The following GRB7 variants were observed in gnomAD, a reference collection of about 807,000 sequenced individuals.
GRB7 encodes growth factor receptor-bound protein 7.
A neutral mutation model predicts 64.1 loss-of-function variants in GRB7; 47 were observed. That is an observed-to-expected ratio of 0.73 (90% CI 0.58 to 0.94). GRB7 has a LOEUF of 0.94. Among genes scored for constraint, GRB7 ranks in the 40% least tolerant of loss-of-function variants. The pLI, the probability that GRB7 is intolerant of heterozygous loss-of-function variation, is 0.00. For synonymous variants in GRB7, 277 were observed against 279.9 expected, an observed-to-expected ratio of 0.99 and a Z score of 0.10; for missense variants, 634 against 718.4, an observed-to-expected ratio of 0.88 and a Z score of 1.34.
rs760169702 is a variant in GRB7 at position 39,745,426 on chromosome 17, G to A, written c.1097G>A (p.Ser366Asn). Reference protein sequence around the residue: ...PSCLGSPPLRSASDNTLVAMD... With the variant: ...PSCLGSPPLRNASDNTLVAMD... Reference sequence around the variant, plus strand: ...CTCCTCTCCTTCCATCTCCAGAGAAGTGCCTCAGATAATACCCTGGTGGCC... The same window carrying A: ...CTCCTCTCCTTCCATCTCCAGAGAAATGCCTCAGATAATACCCTGGTGGCC... The change falls in exon 11 of 15, where the codon AGT (serine) becomes AAT (asparagine). Residue 366 changes from serine (S) to asparagine (N), a missense_variant. Physicochemically the swap from Ser to Asn is conservative, Grantham distance 46 (BLOSUM62 1). Transcript: ENST00000309156. The A allele has an allele frequency of 6.2e-7, 1 of 1,613,962 alleles. No individual in the cohort carries two copies. The highest frequency in any genetic ancestry group is 8.5e-7 in the Non-Finnish European group (1 of 1,179,920).
In GRB7 at chr17:39,744,828, G is replaced by T; in HGVS notation, c.913-58G>T. 9.0e-6 allele frequency: 13 copies of T among 1,448,232 alleles called. No individual in the cohort carries two copies. The South Asian group carries it at 1.5e-4, about 17-fold the overall frequency. The allele number at this position is 1,448,232 out of a possible 1,614,324, so 89.7% of individuals were successfully genotyped here. A position where few individuals can be genotyped will look rare whatever the true frequency, so the allele number is the denominator to read the frequency against. On this transcript the variant is annotated intron_variant, in intron 8 of 14. Transcript: ENST00000309156. ...GATTCAGCTCTGCTATGTGGAGCAG[G>T]GGCAGACATGTGGTCCTAAAGGCAG...
Position 39,747,003 on chromosome 17 carries a change from G to A in GRB7, c.*106G>A, listed in dbSNP as rs12942343. 16,369 of 1,277,502 alleles carry A rather than the reference G, an allele frequency of 0.013. 1,441 individuals carry two copies. The African/African-American group carries it at 0.2, about 16-fold the overall frequency. 79.1% of individuals were successfully genotyped at this position (1,277,502 alleles called of 1,614,324 possible). A position where few individuals can be genotyped will look rare whatever the true frequency, so the allele number is the denominator to read the frequency against. On this transcript the variant is annotated 3_prime_UTR_variant, in exon 15 of 15. Coordinates refer to ENST00000309156, the MANE Select transcript of GRB7 (RefSeq NM_005310.5). Reference sequence around the variant, plus strand: ...GCGGCCACAGGGGACGGGATGAGGAGCGGGAGGGTTCCGCCACTCCAGTTT... The same window carrying A: ...GCGGCCACAGGGGACGGGATGAGGAACGGGAGGGTTCCGCCACTCCAGTTT...
chr17:39,739,299 G>A (rs1447624631), intron 1 of GRB7, among the ~76,000 whole-genome samples: 1 of 152,122 alleles, frequency 6.6e-6, no homozygotes, highest in African/African-American at 2.4e-5. Flanking sequence ...ATGATTAACT[G>A]CAGAGACACT....
Position 39,743,196 on chromosome 17 carries a change from C to T in GRB7, c.480C>T (p.Asp160=), listed in dbSNP as rs1206329236. The T allele has an allele frequency of 1.2e-6, 2 of 1,614,184 alleles. No individual in the cohort carries two copies. The highest frequency in any genetic ancestry group is 4.5e-5 in the East Asian group (2 of 44,874). ...TGTCCCCAGAGCGGGGTTTGGAGGA[C>T]CACGAGTCCGTGGTGGAAGTGCAGG... ...PHLALERGLE[D]HESVVEVQAA... The change falls in exon 5 of 15, where the codon GAC becomes GAT. Residue 160 remains aspartate, a synonymous_variant. Coordinates refer to ENST00000309156, the MANE Select transcript of GRB7 (RefSeq NM_005310.5).
intron 14 of GRB7, 79 bp from the exon 15 acceptor site, chr17:39,746,672 G>T: frequency 2.1e-6 from 3 of 1,448,996 alleles, no homozygotes; most frequent in Non-Finnish European, 9.4e-7. Flanking sequence ...AAAAGGAAAT[G>T]GTGGGGCCCT....
rs2060045758 is a variant in GRB7, at chr17:39,746,260, GTCC to G, written c.1452+64_1452+66del. ...TGAGACACAGGACTCCCAGCAACCT[GTCC>G]TCCTCACCAGGCCCCTCCAGAGGCT... On this transcript the variant is annotated intron_variant, in intron 14 of 14. Transcript: ENST00000309156. The G allele has an allele frequency of 1.8e-5, 26 of 1,407,134 alleles. 1 individual carries two copies. In the South Asian group the frequency reaches 2.8e-4, roughly 15 times the overall value. 87.2% of individuals were successfully genotyped at this position (1,407,134 alleles called of 1,614,324 possible). A position where few individuals can be genotyped will look rare whatever the true frequency, so the allele number is the denominator to read the frequency against.
Position 39,741,866 on chromosome 17 carries a change from C to T in GRB7, c.-50-386C>T, listed in dbSNP as rs946745703. Among the ~76,000 whole-genome samples the T allele has an allele frequency of 1.1e-4, 17 of 148,800 alleles. No individual in the cohort carries two copies. In the South Asian group the frequency reaches 2.5e-3, roughly 22 times the overall value. ...CTCTACTAAAAATACAAAAATTAGACGGGCGTGGTGGTGGGCACCTGTAAT... is the reference window on the plus strand; with the variant it reads ...CTCTACTAAAAATACAAAAATTAGATGGGCGTGGTGGTGGGCACCTGTAAT... On this transcript the variant is annotated intron_variant, in intron 1 of 14. Transcript: ENST00000309156.
chr17:39,740,984 G>A (rs2059989888), intron 1 of GRB7, among the ~76,000 whole-genome samples: 1 of 152,104 alleles, frequency 6.6e-6, no homozygotes, highest in Non-Finnish European at 1.5e-5. Flanking sequence ...GTTCTCCCAG[G>A]TCTCAGCCCG....
rs1218094301 is a variant in GRB7 at position 39,744,875 on chromosome 17, T to C, written c.913-11T>C. On this transcript the variant is annotated splice_polypyrimidine_tract_variant and intron_variant, in intron 8 of 14. Coordinates refer to ENST00000309156, the MANE Select transcript of GRB7 (RefSeq NM_005310.5). ...GCAGATATGGGACCAGTCAATTTCC[T>C]CTCTCTGCAGCCCAACAAGCTTCGA... 1 of 1,610,066 alleles carries C rather than the reference T, an allele frequency of 6.2e-7. No homozygotes were observed. Among genetic ancestry groups the C allele is most frequent in the Admixed American group, 1.7e-5 (1 of 60,006 alleles).
chr17:39,744,958 T>G lies in GRB7; in HGVS notation c.985T>G (p.Trp329Gly). The G allele has an allele frequency of 6.2e-7, 1 of 1,613,932 alleles. No individual in the cohort carries two copies. The highest frequency in any genetic ancestry group is 8.5e-7 in the Non-Finnish European group (1 of 1,179,912). ...TGAAGATGAGCAGAGCCGCACCTGC[T>G]GGCTGGCTGCCTTCCGCCTCTTCAA... is the stretch of plus-strand genomic sequence containing the variant. The part of the protein sequence containing the change: ...CSEDEQSRTC[W>G]LAAFRLFKYG... The change falls in exon 9 of 15, where the codon TGG becomes GGG. Residue 329 changes from tryptophan to glycine, a missense_variant. By Grantham distance (184) the Trp-to-Gly change is radical. This residue lies in a region of GRB7 where 467 missense variants were observed against 576.6 expected (regional missense o/e 0.81). Coordinates refer to ENST00000309156, the MANE Select transcript of GRB7 (RefSeq NM_005310.5).
chr17:39,743,747 G>T, intron 6 of GRB7: 1 of 553,718 alleles, frequency 1.8e-6, no homozygotes, highest in Non-Finnish European at 3.2e-6. Context: ...GGCTGAGGCG[G>T]GAGGATTACT....
At position 39,742,883 on chromosome 17, in the gene GRB7, A is replaced by G. The variant is rs1422060703; in HGVS notation, c.307-15A>G. On this transcript the variant is annotated splice_polypyrimidine_tract_variant and intron_variant, in intron 3 of 14. Coordinates refer to ENST00000309156, the MANE Select transcript of GRB7 (RefSeq NM_005310.5). ...TTTGCCTCCCCTCAAGTCGTGTGCA[A>G]TTCCTGGGGCGCAGGTAGTAAAGGT... 1 of 1,567,954 alleles carries G rather than the reference A, an allele frequency of 6.4e-7. No homozygotes were observed.
Position 39,744,922 on chromosome 17 carries a change from A to C in GRB7, c.949A>C (p.Ile317Leu), listed in dbSNP as rs759339784. Residue 317 changes from isoleucine to leucine, a missense_variant, in exon 9 of 15, where the codon ATC becomes CTC. This residue lies in a region of GRB7 where 467 missense variants were observed against 576.6 expected (regional missense o/e 0.81). Transcript: ENST00000309156. ...KLRNGHKGLR[I>L]FCSEDEQSRT... ...TCGAAATGGCCACAAGGGGCTTCGG[A>C]TCTTCTGCAGTGAAGATGAGCAGAG... is the stretch of plus-strand genomic sequence containing the variant. 1 of 1,614,060 alleles carries C rather than the reference A, an allele frequency of 6.2e-7. No individual in the cohort carries two copies. The highest frequency in any genetic ancestry group is 8.5e-7 in the Non-Finnish European group (1 of 1,179,974).
At chr17:39,745,059 G>A in intron 9 of GRB7, 75 bp downstream of exon 9, 7 of 1,276,808 alleles carry the variant, frequency 5.5e-6, no homozygotes, top group Non-Finnish European at 7.9e-6. Flanking sequence ...GAAGTCTCAG[G>A]AATGAGGAGG....
intron 1 of GRB7, chr17:39,738,705 C>T: frequency 2.0e-6 from 1 of 501,918 alleles, no homozygotes; most frequent in Non-Finnish European, 3.6e-6. Context: ...GAGAGCCGCC[C>T]TCACTCTCTG....
intron 1 of GRB7, chr17:39,738,749 A>C (rs1206381061): frequency 3.2e-6 from 2 of 615,550 alleles, no homozygotes; most frequent in Non-Finnish European, 5.2e-6. Flanking sequence ...GGGTTTCCCC[A>C]AGTCTCTAAG....
chr17:39,744,228 G>C (rs769277475), intron 7 of GRB7, 21 bp downstream of exon 7: 3 of 1,612,420 alleles, frequency 1.9e-6, no homozygotes, highest in Non-Finnish European at 2.5e-6. Context: ...GAGGGTACCA[G>C]CCCCAGCCCC....
chr17:39,743,192 A>G lies in GRB7; in HGVS notation c.476A>G (p.Glu159Gly), dbSNP rs2060012271. Residue 159 changes from glutamate (E) to glycine (G), a missense_variant, in exon 5 of 15, where the codon GAG (glutamate) becomes GGG (glycine). Glu to Gly is a moderately conservative substitution (Grantham distance 98, BLOSUM62 -2). Around this residue, in one of 2 missense-constraint regions of GRB7, gnomAD observed 467 missense variants for 576.6 expected, o/e 0.81. Transcript: ENST00000309156. Reference protein sequence around the residue: ...HPHLALERGLEDHESVVEVQA... With the variant: ...HPHLALERGLGDHESVVEVQA... ...CCCTTGTCCCCAGAGCGGGGTTTGG[A>G]GGACCACGAGTCCGTGGTGGAAGTG... 2 of 1,614,130 alleles carry G rather than the reference A, an allele frequency of 1.2e-6. No homozygotes were observed. Among genetic ancestry groups the G allele is most frequent in the Non-Finnish European group, 1.7e-6 (2 of 1,180,020 alleles).
In GRB7 at chr17:39,743,920, G is replaced by A; in HGVS notation, c.664-150G>A. ...AGGTGGGAGGATCACTTGAGCTCGG[G>A]AGGTCGAGGTTGCAGTGAGCTGTGA... On this transcript the variant is annotated intron_variant, in intron 6 of 14. Transcript: ENST00000309156. 3.3e-6 allele frequency: 3 copies of A among 911,934 alleles called. No individual in the cohort carries two copies. In the South Asian group the frequency reaches 5.3e-5, roughly 16 times the overall value. The allele number at this position is 911,934 out of a possible 1,614,324, so 56.5% of individuals were successfully genotyped here.
Sources: allele counts gnomAD v4.1 joint callset (sites outside exome capture counted in the v4.1 genomes callset), GRCh38; gene constraint gnomAD v4.1.1; regional missense constraint gnomAD v4.1.1; transcripts MANE v1.5; gene names NCBI Gene and HGNC (gene_info 2026-07-23, HGNC 2026-07-21).